Variants in ZMAT1 observed in about 807,000 individuals in gnomAD.
The protein encoded by ZMAT1 is zinc finger matrin-type protein 1.
ZMAT1 carries 11 observed loss-of-function variants against 18.5 expected under a neutral mutation model. The ratio of observed to expected loss-of-function variants is 0.59; its 90% confidence interval spans 0.37 to 0.98. The LOEUF (loss-of-function observed/expected upper bound fraction) is 0.98. Ranked by LOEUF, ZMAT1 falls within the 50% of genes least tolerant of loss-of-function variation. The pLI is 0.01. For missense variants in ZMAT1, 525 were observed against 496.2 expected (o/e 1.06, Z -0.55); for synonymous variants, 211 against 176.4 (o/e 1.20, Z -1.55).
In ZMAT1 at chrX:101,884,196, T is replaced by C. The variant is rs201511580; in HGVS notation, c.1402A>G (p.Lys468Glu). ...KVQKARGLEP[K>E]TCFRKIGDSS... is the part of the protein sequence containing the mutation. ...TCTCCTATCTTTCTGAAACAAGTTT[T>C]TGGCTCTAGTCCTCTGGCTTTCTGC... Residue 468 changes from lysine (K) to glutamate (E), a missense_variant, in exon 6 of 6, where the codon AAA becomes GAA. Physicochemically the swap from Lys to Glu is moderately conservative, Grantham distance 56. Coordinates refer to ENST00000651725, the MANE Select transcript of ZMAT1 (RefSeq NM_001394560.1). 8.5e-5 allele frequency: 103 copies of C among 1,210,113 alleles called. No individual in the cohort carries two copies. The highest frequency in any genetic ancestry group is 1.1e-4 in the Non-Finnish European group (101 of 895,097).
intron 2 of ZMAT1, among the ~76,000 whole-genome samples, chrX:101,903,644 A>G (rs1188678213): frequency 8.9e-6 from 1 of 111,955 alleles, no homozygotes; most frequent in African/African-American, 3.2e-5. Context: ...ATATGAAATA[A>G]GAAGAAATCA....
At chrX:101,891,522 C>T (rs1024016311) in intron 4 of ZMAT1, among the ~76,000 whole-genome samples, 1 of 110,581 alleles carries the variant, frequency 9.0e-6, no homozygotes, top group Non-Finnish European at 1.9e-5. Context: ...TGTCAGAACA[C>T]GGGGGTGGAT....
chrX:101,928,685 T>TA (rs1167151129), intron 1 of ZMAT1, among the ~76,000 whole-genome samples: 4 of 112,961 alleles, frequency 3.5e-5, no homozygotes, highest in African/African-American at 1.3e-4. Flanking sequence ...ATGGTGGTCT[T>TA]ACTATCATTT....
chrX:101,902,803 CAA>C (rs1375887973), intron 2 of ZMAT1, among the ~76,000 whole-genome samples: 1 of 111,475 alleles, frequency 9.0e-6, no homozygotes, highest in East Asian at 2.8e-4. Flanking sequence ...AGCACAGACA[CAA>C]AAGAAATATT....
intron 4 of ZMAT1, among the ~76,000 whole-genome samples, chrX:101,892,952 TG>T (rs1477187134): frequency 2.7e-5 from 3 of 111,915 alleles, no homozygotes; most frequent in Non-Finnish European, 5.7e-5. Context: ...CTGCTGTTAC[TG>T]TTCTTTGAAA....
intron 1 of ZMAT1, among the ~76,000 whole-genome samples, 169 bp from the exon 2 acceptor site, chrX:101,904,499 A>G (rs1177445502): frequency 8.9e-6 from 1 of 112,054 alleles, no homozygotes; most frequent in African/African-American, 3.2e-5. Context: ...GCACATACTA[A>G]GTATCCCTCT....
intron 1 of ZMAT1, among the ~76,000 whole-genome samples, chrX:101,921,549 TAAC>T (rs1929728120): frequency 1.8e-5 from 2 of 112,017 alleles, no homozygotes; most frequent in African/African-American, 3.2e-5. Flanking sequence ...AATACTGTAA[TAAC>T]AACAAATAAG....
intron 1 of ZMAT1, among the ~76,000 whole-genome samples, chrX:101,929,223 C>G (rs891274982): frequency 9.2e-6 from 1 of 109,090 alleles, no homozygotes; most frequent in Non-Finnish European, 1.9e-5. Flanking sequence ...TTTTAATGAT[C>G]CTATAAGGAG....
intron 2 of ZMAT1, 25 bp from the exon 3 acceptor site, chrX:101,898,245 T>G (rs767354453): frequency 8.6e-7 from 1 of 1,156,763 alleles, no homozygotes; most frequent in Non-Finnish European, 1.2e-6. Flanking sequence ...AATATGACTT[T>G]GTTTATTCAA....
At position 101,911,745 on chromosome X, in the gene ZMAT1, A is replaced by G. The variant is rs920212094; in HGVS notation, c.293-7415T>C. The G allele has an allele frequency of 5.0e-6, 6 of 1,207,806 alleles. No homozygotes were observed. In the Admixed American group the frequency reaches 1.1e-4, roughly 22 times the overall value. On this transcript the variant is annotated intron_variant, in intron 1 of 5. Coordinates refer to ENST00000651725, the MANE Select transcript of ZMAT1 (RefSeq NM_001394560.1). ...AGGATCCACACAGGAGAGAAACCCT[A>G]TGAATGTAACCAGTGTGGCAGAGCC...
chrX:101,929,501 A>AC (rs1338173330), intron 1 of ZMAT1, among the ~76,000 whole-genome samples: 3 of 98,902 alleles, frequency 3.0e-5, no homozygotes, highest in Admixed American at 1.1e-4. Flanking sequence ...AGACACACAA[A>AC]TATTTTGAGG....
chrX:101,886,756 A>T (rs1214265079), intron 4 of ZMAT1, 25 bp from the exon 5 acceptor site: 1 of 1,062,629 alleles, frequency 9.4e-7, no homozygotes, highest in Admixed American at 2.4e-5. Flanking sequence ...AGTTCAAGTT[A>T]AGAAGGTCAG....
At chrX:101,924,736 G>T (rs766695126) in intron 1 of ZMAT1, among the ~76,000 whole-genome samples, 44 of 112,165 alleles carry the variant, frequency 3.9e-4, no homozygotes, top group African/African-American at 1.2e-3. Context: ...TTGCAATGCT[G>T]TGCTTTGTGG....
intron 2 of ZMAT1, among the ~76,000 whole-genome samples, chrX:101,901,216 T>C (rs1380929758): frequency 1.8e-5 from 2 of 111,174 alleles, no homozygotes; most frequent in South Asian, 3.8e-4. Flanking sequence ...TGGAGGAGTC[T>C]TTAGGGTTTT....
At chrX:101,905,004 G>A (rs1282106786) in intron 1 of ZMAT1, among the ~76,000 whole-genome samples, 2 of 111,794 alleles carry the variant, frequency 1.8e-5, no homozygotes, top group South Asian at 3.7e-4. Flanking sequence ...GATATTTTAT[G>A]TTTAACAGCA....
At chrX:101,904,745 A>T (rs191516052) in intron 1 of ZMAT1, among the ~76,000 whole-genome samples, 173 of 110,603 alleles carry the variant, frequency 1.6e-3, no homozygotes, top group African/African-American at 5.2e-3. Flanking sequence ...GAGTTTGAGA[A>T]CAGCCTGGGC....
At chrX:101,910,226 G>A (rs1928869744) in intron 1 of ZMAT1, among the ~76,000 whole-genome samples, 1 of 112,641 alleles carries the variant, frequency 8.9e-6, no homozygotes, top group Non-Finnish European at 1.9e-5. Flanking sequence ...GGGCCTGGGT[G>A]CCCCAGAAAG....
intron 1 of ZMAT1, among the ~76,000 whole-genome samples, chrX:101,905,379 A>G (rs1928542314): frequency 8.9e-6 from 1 of 112,684 alleles, no homozygotes; most frequent in African/African-American, 3.2e-5. Context: ...AGTGTCATCT[A>G]AAATTCTTAA....
At position 101,884,214 on chromosome X, in the gene ZMAT1, C is replaced by A. The variant is rs1208269867; in HGVS notation, c.1384G>T (p.Ala462Ser). 8.3e-7 allele frequency: 1 copy of A among 1,211,222 alleles called. No homozygotes were observed. Among genetic ancestry groups the A allele is most frequent in the Non-Finnish European group, 1.1e-6 (1 of 895,212 alleles). ...ELEDYIKVQK[A>S]RGLEPKTCFR... is the part of the protein sequence containing the mutation. ...CAAGTTTTTGGCTCTAGTCCTCTGG[C>A]TTTCTGCACTTTTATGTAATCTTCA... The change falls in exon 6 of 6, where the codon GCC becomes TCC. Residue 462 changes from alanine to serine, a missense_variant. Coordinates refer to ENST00000651725, the MANE Select transcript of ZMAT1 (RefSeq NM_001394560.1).
Sources: allele counts gnomAD v4.1 joint callset (sites outside exome capture counted in the v4.1 genomes callset), GRCh38; gene constraint gnomAD v4.1.1; transcripts MANE v1.5; gene names NCBI Gene and HGNC (gene_info 2026-07-23, HGNC 2026-07-21).